The following NRXN3 variants were observed in gnomAD, a reference collection of about 807,000 sequenced individuals.
The protein encoded by NRXN3 is neurexin III.
A neutral mutation model predicts 137.6 loss-of-function variants in NRXN3; 32 were observed. The ratio of observed to expected loss-of-function variants is 0.23; its 90% CI spans 0.18 to 0.31. The LOEUF (loss-of-function observed/expected upper bound fraction) is 0.31. Ranked by LOEUF, NRXN3 falls within the 10% of genes least tolerant of loss-of-function variation. NRXN3 has a pLI of 1.00. For synonymous variants in NRXN3, 798 were observed against 784.5 expected (o/e 1.02, Z -0.29); for missense variants, 1,574 against 2,062.5 (o/e 0.76, Z 4.59).
Position 78,335,797 on chromosome 14 carries a change from T to C in NRXN3, c.757+37937T>C, listed in dbSNP as rs1471984495. 2.0e-5 allele frequency among the ~76,000 whole-genome samples: 3 copies of C among 152,076 alleles called. No individual in the cohort carries two copies. The East Asian group carries it at 5.8e-4, about 29-fold the overall frequency. Reference sequence around the variant, plus strand: ...AGCACTCTCTGCATGAAAAGCCCTGTCTCCAGCTCCATGAAATGTAAATCT... The same window carrying C: ...AGCACTCTCTGCATGAAAAGCCCTGCCTCCAGCTCCATGAAATGTAAATCT... On this transcript the variant is annotated intron_variant, in intron 4 of 20. Coordinates refer to ENST00000335750, the MANE Select transcript of NRXN3 (RefSeq NM_001330195.2).
chr14:79,273,479 A>G (rs2079732951), intron 15 of NRXN3, among the ~76,000 whole-genome samples: 1 of 151,872 alleles, frequency 6.6e-6, no homozygotes, highest in Non-Finnish European at 1.5e-5. Flanking sequence ...CTCAAAATAC[A>G]AAACATTAGC....
chr14:78,316,614 A>C (rs61271440), intron 4 of NRXN3, among the ~76,000 whole-genome samples: 49,348 of 152,048 alleles, frequency 0.32, 8,229 homozygotes, highest in East Asian at 0.59. Flanking sequence ...TTGGTGAGAC[A>C]TTCCCTTTCT....
intron 4 of NRXN3, among the ~76,000 whole-genome samples, chr14:78,410,737 C>T (rs1021896050): frequency 3.3e-5 from 5 of 152,164 alleles, no homozygotes; most frequent in African/African-American, 1.2e-4. Flanking sequence ...CTGGCAGACT[C>T]CTTCTGAGGA....
chr14:78,777,463 T>G (rs2098748356), intron 8 of NRXN3, among the ~76,000 whole-genome samples: 3 of 152,194 alleles, frequency 2.0e-5, no homozygotes, highest in Admixed American at 1.3e-4. Flanking sequence ...TCAGAGAGTT[T>G]GATCCTCATT....
intron 20 of NRXN3, among the ~76,000 whole-genome samples, chr14:79,856,774 A>G (rs1394725755): frequency 2.6e-5 from 4 of 152,274 alleles, no homozygotes; most frequent in Middle Eastern, 6.8e-3. Flanking sequence ...CATGAATTAT[A>G]TATCTACAAA....
At chr14:78,860,617 T>A (rs924804136) in intron 10 of NRXN3, among the ~76,000 whole-genome samples, 1 of 152,172 alleles carries the variant, frequency 6.6e-6, no homozygotes, top group African/African-American at 2.4e-5. Flanking sequence ...ATTTTGTATA[T>A]GTATTATATA....
At position 78,856,362 on chromosome 14, in the gene NRXN3, A is replaced by G. The variant is rs978459193; in HGVS notation, c.2275+46018A>G. 3.3e-5 allele frequency among the ~76,000 whole-genome samples: 5 copies of G among 152,248 alleles called. No individual in the cohort carries two copies. In the South Asian group the frequency reaches 1.0e-3, roughly 31 times the overall value. On this transcript the variant is annotated intron_variant, in intron 10 of 20. Coordinates refer to ENST00000335750, the MANE Select transcript of NRXN3 (RefSeq NM_001330195.2). ...TCTAAAGTAAGTAACCATTTATCCA[A>G]AAATTTAGAGGGTATATTCAAAATA...
At chr14:79,778,194 A>T (rs1296185950) in intron 19 of NRXN3, among the ~76,000 whole-genome samples, 2 of 152,318 alleles carry the variant, frequency 1.3e-5, no homozygotes, top group East Asian at 3.9e-4. Context: ...AGGCAGGTGG[A>T]TCACGAGGTC....
Position 79,645,589 on chromosome 14 carries a change from T to TG in NRXN3, c.3445-18186dup, listed in dbSNP as rs1268245589. Among the ~76,000 whole-genome samples, 42 of 126,992 alleles carry TG rather than the reference T, an allele frequency of 3.3e-4. 1 individual carries two copies. Among genetic ancestry groups the TG allele is most frequent in the African/African-American group, 1.1e-3 (42 of 39,404 alleles). The allele number at this position is 126,992 out of a possible 152,430, so 83.3% of individuals were successfully genotyped here. ...TGAGATGCGCCACTGCACTCCAGCT[T>TG]GGGTGACAGAATGAGACTCTGTCTC... On this transcript the variant is annotated intron_variant, in intron 16 of 20. Coordinates refer to ENST00000335750, the MANE Select transcript of NRXN3 (RefSeq NM_001330195.2).
chr14:79,803,398 G>T (rs1292696333), intron 19 of NRXN3, among the ~76,000 whole-genome samples: 1 of 152,234 alleles, frequency 6.6e-6, no homozygotes, highest in Non-Finnish European at 1.5e-5. Context: ...CTGAAATCAA[G>T]GTGTCAGCAG....
chr14:78,183,634 G>T (rs142759757), intron 1 of NRXN3, among the ~76,000 whole-genome samples: 32 of 152,318 alleles, frequency 2.1e-4, no homozygotes, highest in Middle Eastern at 3.4e-3. Flanking sequence ...TGCACATGGG[G>T]ACAAGTGCCC....
chr14:78,238,375 C>G (rs534099018), intron 1 of NRXN3, among the ~76,000 whole-genome samples: 1 of 152,192 alleles, frequency 6.6e-6, no homozygotes, highest in Admixed American at 6.5e-5. Context: ...CACCTGTGTG[C>G]GTGGCTGCCT....
chr14:79,054,635 G>A (rs1158799779), intron 15 of NRXN3, among the ~76,000 whole-genome samples: 1 of 152,190 alleles, frequency 6.6e-6, no homozygotes, highest in Non-Finnish European at 1.5e-5. Flanking sequence ...ACCCCAGCTG[G>A]AGAGACAGAC....
intron 4 of NRXN3, among the ~76,000 whole-genome samples, chr14:78,570,874 A>G (rs1019023371): frequency 6.6e-6 from 1 of 152,292 alleles, no homozygotes; most frequent in Non-Finnish European, 1.5e-5. Context: ...TCATTCCATG[A>G]CTGAGGCCCC....
intron 6 of NRXN3, among the ~76,000 whole-genome samples, chr14:78,683,469 T>C (rs1262775139): frequency 6.6e-6 from 1 of 152,220 alleles, no homozygotes; most frequent in Non-Finnish European, 1.5e-5. Flanking sequence ...ACGTGCTTTA[T>C]TTAGTTTGTA....
chr14:78,770,946 C>T (rs534607693), intron 8 of NRXN3, among the ~76,000 whole-genome samples: 1 of 152,298 alleles, frequency 6.6e-6, no homozygotes, highest in Admixed American at 6.5e-5. Flanking sequence ...TTGGAGGTAA[C>T]ACGTATGAAA....
Position 78,974,370 on chromosome 14 carries a change from T to C in NRXN3, c.3142+6024T>C, listed in dbSNP as rs567343004. On this transcript the variant is annotated intron_variant, in intron 14 of 20. Coordinates refer to ENST00000335750, the MANE Select transcript of NRXN3 (RefSeq NM_001330195.2). ...TCACGCAGGGTAAGAACTATATGGATTTTGAATTCCCAGAGCTTAGCATAT... is the reference window on the plus strand; with the variant it reads ...TCACGCAGGGTAAGAACTATATGGACTTTGAATTCCCAGAGCTTAGCATAT... Among the ~76,000 whole-genome samples the C allele has an allele frequency of 2.6e-5, 4 of 152,286 alleles. No individual in the cohort carries two copies. In the South Asian group the frequency reaches 8.3e-4, roughly 32 times the overall value.
In NRXN3 at chr14:78,519,316, C is replaced by T. The variant is rs117815803; in HGVS notation, c.758-125804C>T. 2.5e-3 allele frequency among the ~76,000 whole-genome samples: 386 copies of T among 152,200 alleles called. 1 individual carries two copies. Among genetic ancestry groups the T allele is most frequent in the Non-Finnish European group, 4.1e-3 (279 of 67,998 alleles). ...GAACTTGGGCTCTGATAAGTATGTA[C>T]GTAATGATCAAATCCCCCACATTTA... On this transcript the variant is annotated intron_variant, in intron 4 of 20. Coordinates refer to ENST00000335750, the MANE Select transcript of NRXN3 (RefSeq NM_001330195.2).
intron 16 of NRXN3, among the ~76,000 whole-genome samples, chr14:79,563,520 G>A (rs1258176653): frequency 6.6e-6 from 1 of 152,068 alleles, no homozygotes; most frequent in Non-Finnish European, 1.5e-5. Flanking sequence ...CTTTGAGAAT[G>A]TGACCATAAA....
Sources: gnomAD v4.1 joint callset for allele counts (sites outside exome capture counted in the v4.1 genomes callset) on GRCh38, gnomAD v4.1.1 for gene constraint, MANE v1.5 for transcripts, NCBI Gene and HGNC (gene_info 2026-07-23, HGNC 2026-07-21) for gene names.